The following NRBP2 variants were observed in gnomAD, a reference collection of about 807,000 sequenced individuals.
NRBP2 encodes nuclear receptor binding protein 2, also known as nuclear receptor-binding protein 2.
NRBP2 carries 47 observed loss-of-function variants against 74.4 expected under a neutral mutation model. The observed-to-expected ratio is 0.63, with a 90% CI of 0.50 to 0.81. The LOEUF (loss-of-function observed/expected upper bound fraction) is 0.81. Ranked by LOEUF, NRBP2 falls within the 30% of genes least tolerant of loss-of-function variation. The pLI is 0.00. For synonymous variants in NRBP2, 312 were observed against 273.8 expected (o/e 1.14, Z -1.38); for missense variants, 613 against 690.1 (o/e 0.89, Z 1.25).
Position 143,834,126 on chromosome 8 carries a change from GATGTGTTTAAT to G in NRBP2, c.*1525_*1535del, listed in dbSNP as rs1257840698. On this transcript the variant is annotated 3_prime_UTR_variant, in exon 18 of 18. Transcript: ENST00000442628. ...TTTACATGGCAAAATGTGTCCTGCA[GATGTGTTTAAT>G]ATTAAAAACCTTGAGGAGGGAGATT... 1 of 152,202 alleles carries G rather than the reference GATGTGTTTAAT, an allele frequency of 6.6e-6. No homozygotes were observed. Among genetic ancestry groups the G allele is most frequent in the Middle Eastern group, 3.2e-3 (1 of 316 alleles). 9.4% of individuals were successfully genotyped at this position (152,202 alleles called of 1,614,324 possible).
rs1554651229 is a variant in NRBP2 at position 143,835,516 on chromosome 8, T to G, written c.*146A>C. The G allele has an allele frequency of 3.8e-6, 2 of 529,962 alleles. No individual in the cohort carries two copies. Among genetic ancestry groups the G allele is most frequent in the Non-Finnish European group, 6.6e-6 (2 of 302,440 alleles). The allele number at this position is 529,962 out of a possible 1,614,324, so 32.8% of individuals were successfully genotyped here. ...GCGCCCAAGGCAGGGTCAGCCCCAC[T>G]CTCAGGAGACGGGGGGTTCCTTCAC... On this transcript the variant is annotated 3_prime_UTR_variant, in exon 18 of 18. Transcript: ENST00000442628. This position sits in a 1 kb window ranked among gnomAD's most constrained non-coding sequence, Gnocchi z 4.9.
Position 143,839,574 on chromosome 8 carries a change from C to A in NRBP2, c.445-25G>T. ...CCTGGCGGCGGACGCACGACTCCGT[C>A]GGTCGGGTGGGCGCAGGAGAGGCGG... On this transcript the variant is annotated intron_variant, in intron 4 of 17. Transcript: ENST00000442628. This position sits in a 1 kb window ranked among gnomAD's most constrained non-coding sequence, Gnocchi z 5.1. 6.5e-7 allele frequency: 1 copy of A among 1,526,970 alleles called. No individual in the cohort carries two copies. Among genetic ancestry groups the A allele is most frequent in the Middle Eastern group, 2.3e-4 (1 of 4,372 alleles). The allele number at this position is 1,526,970 out of a possible 1,614,324, so 94.6% of individuals were successfully genotyped here. A position where few individuals can be genotyped will look rare whatever the true frequency, so the allele number is the denominator to read the frequency against.
Position 143,839,439 on chromosome 8 carries a change from G to C in NRBP2, c.486-31C>G, listed in dbSNP as rs1295953918. ...GACGTTGGGGAGGGGAGAGTAGGAG[G>C]AGCCGGTCAGGAGGCTCTGGAGAGA... On this transcript the variant is annotated intron_variant, in intron 5 of 17. Transcript: ENST00000442628. The surrounding 1 kb of genome is among the most constrained non-coding windows in gnomAD (Gnocchi z 5.1). 2.6e-6 allele frequency: 4 copies of C among 1,539,780 alleles called. No homozygotes were observed. In the African/African-American group the frequency reaches 5.5e-5, roughly 21 times the overall value.
In NRBP2 at chr8:143,838,869, G is replaced by C. The variant is rs782505882; in HGVS notation, c.744+14C>G. On this transcript the variant is annotated intron_variant, in intron 9 of 17. Coordinates refer to ENST00000442628, the MANE Select transcript of NRBP2 (RefSeq NM_178564.4). ...GAGGAGGGCAGAGCACAAGGTGGAG[G>C]GCGGGGGCAGTACCTCCAGCGCACA... The C allele has an allele frequency of 3.1e-6, 5 of 1,613,456 alleles. No individual in the cohort carries two copies. Among genetic ancestry groups the C allele is most frequent in the Middle Eastern group, 3.3e-4 (2 of 6,062 alleles).
chr8:143,836,192 G>A lies in NRBP2; in HGVS notation c.1264-12C>T. 6.5e-7 allele frequency: 1 copy of A among 1,539,080 alleles called. No homozygotes were observed. Among genetic ancestry groups the A allele is most frequent in the Non-Finnish European group, 8.7e-7 (1 of 1,150,426 alleles). On this transcript the variant is annotated splice_polypyrimidine_tract_variant and intron_variant, in intron 14 of 17. Coordinates refer to ENST00000442628, the MANE Select transcript of NRBP2 (RefSeq NM_178564.4). The stretch of plus-strand genomic sequence containing the variant: ...TGCATCTGGATGACCTGCAGCGGGG[G>A]AAGGCTGGGACTCACAAACCCAGCA...
chr8:143,838,337 G>T (rs956199107), intron 10 of NRBP2, among the ~76,000 whole-genome samples: 3 of 152,210 alleles, frequency 2.0e-5, no homozygotes, highest in Non-Finnish European at 4.4e-5. Flanking sequence ...GAGTGAAGCA[G>T]ACCCAGGTGC....
At position 143,839,290 on chromosome 8, in the gene NRBP2, C is replaced by G. The variant is rs782284700; in HGVS notation, c.580+24G>C. 1.8e-5 allele frequency: 27 copies of G among 1,540,244 alleles called. No individual in the cohort carries two copies. The highest frequency in any genetic ancestry group is 1.8e-4 in the Middle Eastern group (1 of 5,466). On this transcript the variant is annotated intron_variant, in intron 6 of 17. Coordinates refer to ENST00000442628, the MANE Select transcript of NRBP2 (RefSeq NM_178564.4). The surrounding 1 kb of genome is among the most constrained non-coding windows in gnomAD (Gnocchi z 5.1). ...GGCACCTTCCCCTGCCCCGTTCCCC[C>G]ACCCAGCCCTGCCCCGCCAGCACCG...
At position 143,840,352 on chromosome 8, in the gene NRBP2, C is replaced by T; in HGVS notation, c.130-123G>A. 4 of 1,334,070 alleles carry T rather than the reference C, an allele frequency of 3.0e-6. No homozygotes were observed. Among genetic ancestry groups the T allele is most frequent in the Non-Finnish European group, 4.0e-6 (4 of 992,108 alleles). 82.6% of individuals were successfully genotyped at this position (1,334,070 alleles called of 1,614,324 possible). ...GGGCTGCAGGCCCTGAGCCACTCTG[C>T]GGGAAGGTGGGGCTTGGAGGGTAGC... On this transcript the variant is annotated intron_variant, in intron 1 of 17. Coordinates refer to ENST00000442628, the MANE Select transcript of NRBP2 (RefSeq NM_178564.4). This position sits in a 1 kb window ranked among gnomAD's most constrained non-coding sequence, Gnocchi z 5.7.
rs1232438825 is a variant in NRBP2 at position 143,837,699 on chromosome 8, G to A, written c.897C>T (p.Ser299=). 1.9e-6 allele frequency: 3 copies of A among 1,572,084 alleles called. No homozygotes were observed. Among genetic ancestry groups the A allele is most frequent in the East Asian group, 2.3e-5 (1 of 43,230 alleles). Residue 299 remains serine (S), a synonymous_variant, in exon 11 of 18, where the codon AGC becomes AGT. Transcript: ENST00000442628. This position sits in a 1 kb window ranked among gnomAD's most constrained non-coding sequence, Gnocchi z 4.3. The part of the protein sequence containing the change: ...RDPARRPSAH[S]LLFHRVLFEV... ...CGAAGAGCACGCGGTGGAAGAGGAGGCTGTGGGCAGAGGGCCGGCGGGCAG... is the reference window on the plus strand; with the variant it reads ...CGAAGAGCACGCGGTGGAAGAGGAGACTGTGGGCAGAGGGCCGGCGGGCAG...
Position 143,839,167 on chromosome 8 carries a change from C to T in NRBP2, c.604+5G>A, listed in dbSNP as rs782647413. On this transcript the variant is annotated splice_donor_5th_base_variant and intron_variant, in intron 7 of 17. Coordinates refer to ENST00000442628, the MANE Select transcript of NRBP2 (RefSeq NM_178564.4). This position sits in a 1 kb window ranked among gnomAD's most constrained non-coding sequence, Gnocchi z 5.1. ...GGACCCCGTCCCCCCAAAGTCCGCA[C>T]TTACCATTGGAGAAGATTCGGTGCC... 1 of 1,525,204 alleles carries T rather than the reference C, an allele frequency of 6.6e-7. No individual in the cohort carries two copies. Among genetic ancestry groups the T allele is most frequent in the East Asian group, 2.5e-5 (1 of 40,722 alleles). The allele number at this position is 1,525,204 out of a possible 1,614,324, so 94.5% of individuals were successfully genotyped here.
rs1303421562 is a variant in NRBP2, at chr8:143,835,252, T to A, written c.*410A>T. 4.2e-6 allele frequency: 1 copy of A among 240,280 alleles called. No individual in the cohort carries two copies. The highest frequency in any genetic ancestry group is 1.4e-4 in the East Asian group (1 of 7,206). 14.9% of individuals were successfully genotyped at this position (240,280 alleles called of 1,614,324 possible). A position where few individuals can be genotyped will look rare whatever the true frequency, so the allele number is the denominator to read the frequency against. ...GGGATGGCTGCTCTCCCAGACCCCA[T>A]GGAGCAGTTCCCTGGGCAGAGGTCT... On this transcript the variant is annotated 3_prime_UTR_variant, in exon 18 of 18. Coordinates refer to ENST00000442628, the MANE Select transcript of NRBP2 (RefSeq NM_178564.4). The surrounding 1 kb of genome is among the most constrained non-coding windows in gnomAD (Gnocchi z 4.9).
chr8:143,839,887 T>A lies in NRBP2; in HGVS notation c.354+42A>T. 5.2e-6 allele frequency: 8 copies of A among 1,534,562 alleles called. No individual in the cohort carries two copies. The highest frequency in any genetic ancestry group is 7.0e-6 in the Non-Finnish European group (8 of 1,145,700). Reference sequence around the variant, plus strand: ...GGTTCGTCCCCATGCCCGCCCCACCTAGCTGTGGTCTCTGCCTGCCCGGGG... The same window carrying A: ...GGTTCGTCCCCATGCCCGCCCCACCAAGCTGTGGTCTCTGCCTGCCCGGGG... On this transcript the variant is annotated intron_variant, in intron 3 of 17. Coordinates refer to ENST00000442628, the MANE Select transcript of NRBP2 (RefSeq NM_178564.4). This position sits in a 1 kb window ranked among gnomAD's most constrained non-coding sequence, Gnocchi z 5.1.
chr8:143,840,137 G>T lies in NRBP2; in HGVS notation c.222C>A (p.Phe74Leu), dbSNP rs781852361. 1.3e-6 allele frequency: 2 copies of T among 1,536,038 alleles called. No individual in the cohort carries two copies. Among genetic ancestry groups the T allele is most frequent in the African/African-American group, 1.4e-5 (1 of 73,038 alleles). Residue 74 changes from phenylalanine (F) to leucine (L), a missense_variant, in exon 2 of 18, where the codon TTC becomes TTA. Phe to Leu is a conservative substitution (Grantham distance 22, BLOSUM62 0). Around this residue, in one of 2 missense-constraint regions of NRBP2, gnomAD observed 332 missense variants for 429.2 expected, o/e 0.77. Coordinates refer to ENST00000442628, the MANE Select transcript of NRBP2 (RefSeq NM_178564.4). The surrounding 1 kb of genome is among the most constrained non-coding windows in gnomAD (Gnocchi z 5.7). Reference sequence around the variant, plus strand: ...GCGCCGCGAAGGCCTTCCTGTCTCCGAAGTGGAGCTCGTTCCACACCACCT... The same window carrying T: ...GCGCCGCGAAGGCCTTCCTGTCTCCTAAGTGGAGCTCGTTCCACACCACCT... ...GVEVVWNELH[F>L]GDRKAFAAHE...
chr8:143,840,756 C>A lies in NRBP2; in HGVS notation c.79G>T (p.Asp27Tyr). 5 of 1,514,186 alleles carry A rather than the reference C, an allele frequency of 3.3e-6. No individual in the cohort carries two copies. The highest frequency in any genetic ancestry group is 4.4e-6 in the Non-Finnish European group (5 of 1,137,236). The allele number at this position is 1,514,186 out of a possible 1,614,324, so 93.8% of individuals were successfully genotyped here. The change falls in exon 1 of 18, where the codon GAC (aspartate) becomes TAC (tyrosine). Residue 27 changes from aspartate to tyrosine, a missense_variant. This residue lies in a region of NRBP2 where 332 missense variants were observed against 429.2 expected (regional missense o/e 0.77). Coordinates refer to ENST00000442628, the MANE Select transcript of NRBP2 (RefSeq NM_178564.4). This position sits in a 1 kb window ranked among gnomAD's most constrained non-coding sequence, Gnocchi z 5.7. ...EREDESEDES[D>Y]ILEESPCGRW... is the part of the protein sequence containing the mutation. ...CCACACGGGCTTTCCTCCAGGATGT[C>A]GCTCTCGTCCTCGCTCTCGTCCTCC...
rs141129740 is a variant in NRBP2 at position 143,836,133 on chromosome 8, G to T, written c.1311C>A (p.Arg437=). Residue 437 remains arginine, a synonymous_variant, in exon 15 of 18, where the codon CGC becomes CGA. Coordinates refer to ENST00000442628, the MANE Select transcript of NRBP2 (RefSeq NM_178564.4). ...CCTCCCAGGCCCCGCTCACATGCCA[G>T]CGCGCCTTGTCCTCGCTTCTCTCCA... ...CNLERSEDKA[R]WHLTLLLVLE... 429 of 1,600,618 alleles carry T rather than the reference G, an allele frequency of 2.7e-4. 1 individual carries two copies. In the African/African-American group the frequency reaches 4.9e-3, roughly 18 times the overall value.
In NRBP2 at chr8:143,833,661, CAA is replaced by C. The variant is rs1818243747; in HGVS notation, c.*1999_*2000del. On this transcript the variant is annotated 3_prime_UTR_variant, in exon 18 of 18. Coordinates refer to ENST00000442628, the MANE Select transcript of NRBP2 (RefSeq NM_178564.4). ...AAAAAAAACTATTCTACTTTAAAAACAATACATATATAATTCTGAAAAGATAA... is the reference window on the plus strand; with the variant it reads ...AAAAAAAACTATTCTACTTTAAAAACTACATATATAATTCTGAAAAGATAA... 6.6e-6 allele frequency: 1 copy of C among 151,884 alleles called. No individual in the cohort carries two copies. The highest frequency in any genetic ancestry group is 6.6e-5 in the Admixed American group (1 of 15,252). 9.4% of individuals were successfully genotyped at this position (151,884 alleles called of 1,614,324 possible).
rs1384667734 is a variant in NRBP2 at position 143,840,632 on chromosome 8, C to A, written c.129+74G>T. On this transcript the variant is annotated intron_variant, in intron 1 of 17. Coordinates refer to ENST00000442628, the MANE Select transcript of NRBP2 (RefSeq NM_178564.4). This position sits in a 1 kb window ranked among gnomAD's most constrained non-coding sequence, Gnocchi z 5.7. The stretch of plus-strand genomic sequence containing the variant: ...CCGCCGCGCTCTCCCAGCGCCCCCA[C>A]GCCCCGCGCAGCCTCCAGGCCCCTC... The A allele has an allele frequency of 5.3e-6, 7 of 1,315,056 alleles. No individual in the cohort carries two copies. The African/African-American group carries it at 7.8e-5, about 15-fold the overall frequency. The allele number at this position is 1,315,056 out of a possible 1,614,324, so 81.5% of individuals were successfully genotyped here. A position where few individuals can be genotyped will look rare whatever the true frequency, so the allele number is the denominator to read the frequency against.
intron 14 of NRBP2, 149 bp downstream of exon 14, chr8:143,836,890 C>G: frequency 1.1e-6 from 1 of 905,308 alleles, no homozygotes; most frequent in East Asian, 2.5e-5. Flanking sequence ...CCATGACCCC[C>G]ACAAGGGGGT....
In NRBP2 at chr8:143,837,478, C is replaced by G; in HGVS notation, c.1005G>C (p.Lys335Asn). 1.2e-6 allele frequency: 2 copies of G among 1,611,212 alleles called. No homozygotes were observed. Among genetic ancestry groups the G allele is most frequent in the Non-Finnish European group, 1.7e-6 (2 of 1,179,218 alleles). Residue 335 changes from lysine to asparagine, a missense_variant, in exon 12 of 18, where the codon AAG becomes AAC. By Grantham distance (94) the Lys-to-Asn change is moderately conservative. Around this residue, in one of 2 missense-constraint regions of NRBP2, gnomAD observed 281 missense variants for 260.9 expected, o/e 1.08. Coordinates refer to ENST00000442628, the MANE Select transcript of NRBP2 (RefSeq NM_178564.4). The surrounding 1 kb of genome is among the most constrained non-coding windows in gnomAD (Gnocchi z 4.3). ...YLMPENVVEE[K>N]TKAMDLHAVL... is the part of the protein sequence containing the mutation. The stretch of plus-strand genomic sequence containing the variant: ...CCGCGTGCAGGTCCATGGCCTTGGT[C>G]TTCTCCTCCACCACATTCTCAGGCA...
Sources: allele counts gnomAD v4.1 joint callset (sites outside exome capture counted in the v4.1 genomes callset), GRCh38; gene constraint gnomAD v4.1.1; regional missense constraint gnomAD v4.1.1; non-coding constraint Gnocchi (gnomAD v3.1); transcripts MANE v1.5; gene names NCBI Gene and HGNC (gene_info 2026-07-23, HGNC 2026-07-21).